Variants in VWA3B observed in about 807,000 individuals in gnomAD.
The protein encoded by VWA3B is von Willebrand factor A domain containing 3B, also known as von Willebrand factor A domain-containing protein 3B.
A neutral mutation model predicts 158.3 loss-of-function variants in VWA3B; 138 were observed. That is an observed-to-expected ratio of 0.87 (90% confidence interval 0.76 to 1.00). VWA3B has a LOEUF of 1.00. Ranked by LOEUF, VWA3B falls within the 50% of genes least tolerant of loss-of-function variation. The pLI, the probability that VWA3B is intolerant of heterozygous loss-of-function variation, is 0.00. For missense variants in VWA3B, 1,555 were observed against 1,565.1 expected, an observed-to-expected ratio of 0.99 and a Z score of 0.11; for synonymous variants, 596 against 587.3, an observed-to-expected ratio of 1.01 and a Z score of -0.21.
intron 26 of VWA3B, among the ~76,000 whole-genome samples, chr2:98,310,427 C>T (rs767569435): frequency 2.0e-5 from 3 of 152,170 alleles, no homozygotes; most frequent in Non-Finnish European, 4.4e-5. Context: ...TCTTTCCATG[C>T]TTTTAATGCC....
At chr2:98,178,303 A>G (rs915408867) in intron 8 of VWA3B, among the ~76,000 whole-genome samples, 1 of 152,194 alleles carries the variant, frequency 6.6e-6, no homozygotes, top group African/African-American at 2.4e-5. Flanking sequence ...AGGTTGGTTT[A>G]AAGTTCAAAA....
intron 5 of VWA3B, among the ~76,000 whole-genome samples, chr2:98,123,509 C>T (rs1304476375): frequency 6.6e-6 from 1 of 152,226 alleles, no homozygotes; most frequent in Admixed American, 6.5e-5. Context: ...AAACAGGAAG[C>T]AACGAGAGAG....
At chr2:98,270,977 C>G in intron 22 of VWA3B, 94 bp downstream of exon 22, 1 of 1,228,766 alleles carries the variant, frequency 8.1e-7, no homozygotes, top group Middle Eastern at 2.8e-4. Flanking sequence ...TCTCCCACTC[C>G]CCGCCACACT....
intron 6 of VWA3B, among the ~76,000 whole-genome samples, chr2:98,133,472 G>A (rs2105048502): frequency 6.6e-6 from 1 of 152,286 alleles, no homozygotes; most frequent in Middle Eastern, 3.4e-3. Context: ...TAGACCCCTG[G>A]CTTGGCTAAG....
intron 17 of VWA3B, among the ~76,000 whole-genome samples, chr2:98,235,917 A>G (rs1195333252): frequency 6.6e-6 from 1 of 152,208 alleles, no homozygotes; most frequent in Non-Finnish European, 1.5e-5. Context: ...TATATGTAAA[A>G]CCCCAAATAT....
intron 17 of VWA3B, among the ~76,000 whole-genome samples, chr2:98,235,803 T>C (rs1272458953): frequency 6.6e-6 from 1 of 152,232 alleles, no homozygotes; most frequent in Non-Finnish European, 1.5e-5. Context: ...TGGGATATGA[T>C]TTCTTAGCTA....
In VWA3B at chr2:98,248,909, TTCTC is replaced by T. The variant is rs1410879094; in HGVS notation, c.2674-1406_2674-1403del. ...TCTCTTTCCTTTCTTTCTTCTTTCT[TTCTC>T]TCCTTCCTTCCTTCCTTCCCTCTTT... On this transcript the variant is annotated intron_variant, in intron 19 of 27. Transcript: ENST00000477737. Among the ~76,000 whole-genome samples the T allele has an allele frequency of 3.0e-5, 4 of 134,782 alleles. No individual in the cohort carries two copies. The South Asian group carries it at 6.7e-4, about 22-fold the overall frequency. 88.4% of individuals were successfully genotyped at this position (134,782 alleles called of 152,430 possible). A position where few individuals can be genotyped will look rare whatever the true frequency, so the allele number is the denominator to read the frequency against.
chr2:98,257,280 A>G (rs1687217419), intron 21 of VWA3B, among the ~76,000 whole-genome samples: 1 of 152,034 alleles, frequency 6.6e-6, no homozygotes. Context: ...AAATGATATT[A>G]AGTTGCTGCA....
intron 21 of VWA3B, among the ~76,000 whole-genome samples, chr2:98,262,586 A>G (rs866550339): frequency 1.3e-5 from 2 of 151,924 alleles, no homozygotes; most frequent in Middle Eastern, 6.8e-3. Context: ...AGATCACATG[A>G]GAGCTTATTT....
chr2:98,237,714 A>C (rs981869751), intron 19 of VWA3B, among the ~76,000 whole-genome samples: 3 of 152,222 alleles, frequency 2.0e-5, no homozygotes, highest in African/African-American at 7.2e-5. Context: ...GGCAAATACA[A>C]CAGCAACTAA....
intron 23 of VWA3B, 188 bp downstream of exon 23, chr2:98,290,810 C>A (rs944590772): frequency 6.1e-6 from 3 of 488,908 alleles, no homozygotes; most frequent in Non-Finnish European, 1.1e-5. Flanking sequence ...TTGGGCCCCC[C>A]AAAAAAGTAG....
intron 26 of VWA3B, among the ~76,000 whole-genome samples, chr2:98,309,027 A>G (rs763348411): frequency 2.0e-5 from 3 of 151,806 alleles, no homozygotes; most frequent in Non-Finnish European, 2.9e-5. Flanking sequence ...CAAAAATTAG[A>G]TGGACATGGT....
At chr2:98,300,877 G>A (rs1690135703) in intron 25 of VWA3B, among the ~76,000 whole-genome samples, 1 of 152,064 alleles carries the variant, frequency 6.6e-6, no homozygotes, top group African/African-American at 2.4e-5. Flanking sequence ...GCTACTACCT[G>A]GTTCCCCATC....
intron 19 of VWA3B, among the ~76,000 whole-genome samples, chr2:98,247,989 A>C (rs1469770841): frequency 6.6e-6 from 1 of 152,082 alleles, no homozygotes; most frequent in Non-Finnish European, 1.5e-5. Context: ...CTGCAGTACT[A>C]TCTATCACCC....
At chr2:98,116,767 T>C (rs1375437800) in intron 3 of VWA3B, among the ~76,000 whole-genome samples, 1 of 152,212 alleles carries the variant, frequency 6.6e-6, no homozygotes, top group Admixed American at 6.5e-5. Context: ...GGGCCTCCCA[T>C]CTGCCTTGGC....
intron 7 of VWA3B, among the ~76,000 whole-genome samples, chr2:98,144,725 C>T (rs1677040999): frequency 6.6e-6 from 1 of 151,966 alleles, no homozygotes; most frequent in Non-Finnish European, 1.5e-5. Context: ...TGCCACCACG[C>T]CTAGGTAATT....
chr2:98,221,789 C>T (rs868418363), intron 14 of VWA3B, among the ~76,000 whole-genome samples: 6 of 152,106 alleles, frequency 3.9e-5, no homozygotes, highest in East Asian at 1.9e-4. Flanking sequence ...TGCCCAGTGT[C>T]GAGCCAACCC....
At chr2:98,284,560 A>C (rs1161069593) in intron 22 of VWA3B, among the ~76,000 whole-genome samples, 1 of 152,268 alleles carries the variant, frequency 6.6e-6, no homozygotes, top group Non-Finnish European at 1.5e-5. Context: ...GAACTCATAA[A>C]GTATGCATTG....
At chr2:98,197,912 C>T (rs1682193687) in intron 12 of VWA3B, among the ~76,000 whole-genome samples, 1 of 152,028 alleles carries the variant, frequency 6.6e-6, no homozygotes, top group Non-Finnish European at 1.5e-5. Flanking sequence ...GATCTGGACA[C>T]CTGGTTGTGG....
Sources: gnomAD v4.1 joint callset for allele counts (sites outside exome capture counted in the v4.1 genomes callset) on GRCh38, gnomAD v4.1.1 for gene constraint, MANE v1.5 for transcripts, NCBI Gene and HGNC (gene_info 2026-07-23, HGNC 2026-07-21) for gene names.